PEG3: variants seen among roughly 807,000 people sequenced by gnomAD.
PEG3 encodes paternally-expressed gene 3 protein.
Under a neutral mutation model 35.5 loss-of-function variants are expected in PEG3, and 23 were observed. The ratio of observed to expected loss-of-function variants is 0.65; its 90% CI spans 0.47 to 0.92. The LOEUF is 0.92. Ranked by LOEUF, PEG3 falls within the 40% of genes least tolerant of loss-of-function variation. PEG3 has a pLI of 0.00. For missense variants in PEG3, 1,960 were observed against 1,985.3 expected, an observed-to-expected ratio of 0.99 and a Z score of 0.24; for synonymous variants, 707 against 697.0, an observed-to-expected ratio of 1.01 and a Z score of -0.23.
chr19:56,821,633 G>C lies in PEG3; in HGVS notation c.669+18C>G, dbSNP rs773694123. 1 of 1,612,194 alleles carries C rather than the reference G, an allele frequency of 6.2e-7. No individual in the cohort carries two copies. Among genetic ancestry groups the C allele is most frequent in the Non-Finnish European group, 8.5e-7 (1 of 1,179,256 alleles). On this transcript the variant is annotated intron_variant, in intron 7 of 9. Coordinates refer to ENST00000326441, the MANE Select transcript of PEG3 (RefSeq NM_006210.3). ...AATGAAGATGGCCTTTCTAGAAAGAGAGGAAACCTGAGCATACCTGAGATC... is the reference window on the plus strand; with the variant it reads ...AATGAAGATGGCCTTTCTAGAAAGACAGGAAACCTGAGCATACCTGAGATC...
intron 2 of PEG3, among the ~76,000 whole-genome samples, chr19:56,830,083 T>C (rs531661344): frequency 4.9e-4 from 74 of 152,338 alleles, no homozygotes; most frequent in African/African-American, 1.7e-3. Flanking sequence ...ATCAGAGCTG[T>C]GCTTGAAGAT....
At position 56,813,782 on chromosome 19, in the gene PEG3, C is replaced by T; in HGVS notation, c.4660G>A (p.Gly1554Ser). The change falls in exon 10 of 10, where the codon GGT becomes AGT. Residue 1554 changes from glycine (G) to serine (S), a missense_variant. Gly to Ser is a moderately conservative substitution (Grantham distance 56). Around this residue, in one of 5 missense-constraint regions of PEG3, gnomAD observed 416 missense variants for 416.7 expected, o/e 1.00. Transcript: ENST00000326441. ...TTCTCATCAGCTTGATTGGCACCAC[C>T]TGTGCTGGTGCTGGCACGTTCGATG... Reference protein sequence around the residue: ...GYIERASTSTGGANQADEKYF... With the variant: ...GYIERASTSTSGANQADEKYF... 1.2e-6 allele frequency: 2 copies of T among 1,614,182 alleles called. No homozygotes were observed. Among genetic ancestry groups the T allele is most frequent in the Non-Finnish European group, 1.7e-6 (2 of 1,180,034 alleles).
chr19:56,815,807 C>T lies in PEG3; in HGVS notation c.2635G>A (p.Glu879Lys), dbSNP rs780426924. Residue 879 changes from glutamate to lysine, a missense_variant, in exon 10 of 10, where the codon GAG becomes AAG. By Grantham distance (56) the Glu-to-Lys change is moderately conservative (BLOSUM62 1). Transcript: ENST00000326441. ...TTACTGCCCCCTTCACAAGGGTTCT[C>T]TCTGGCAGGAATCTTCTGTCGCTTA... ...NDKRQKIPAR[E>K]NPCEGGSKNR... 8 of 1,613,462 alleles carry T rather than the reference C, an allele frequency of 5.0e-6. No individual in the cohort carries two copies. In the African/African-American group the frequency reaches 1.1e-4, roughly 22 times the overall value.
Position 56,812,620 on chromosome 19 carries a change from A to C in PEG3, c.*1055T>G. On this transcript the variant is annotated 3_prime_UTR_variant, in exon 10 of 10. Transcript: ENST00000326441. ...TGTCACTTAAGGCAGGAAGCGCACA[A>C]AGGAAGTGATGAAAGGTTATTAGCC... The C allele has an allele frequency of 1.0e-6, 1 of 985,720 alleles. No individual in the cohort carries two copies. The highest frequency in any genetic ancestry group is 1.2e-6 in the Non-Finnish European group (1 of 829,820). The allele number at this position is 985,720 out of a possible 1,614,324, so 61.1% of individuals were successfully genotyped here.
Position 56,817,456 on chromosome 19 carries a change from C to T in PEG3, c.986G>A (p.Gly329Glu). 5.6e-6 allele frequency: 9 copies of T among 1,613,968 alleles called. No individual in the cohort carries two copies. Among genetic ancestry groups the T allele is most frequent in the Non-Finnish European group, 7.6e-6 (9 of 1,179,902 alleles). Residue 329 changes from glycine to glutamate, a missense_variant, in exon 10 of 10, where the codon GGA (glycine) becomes GAA (glutamate). Physicochemically the swap from Gly to Glu is moderately conservative, Grantham distance 98 (BLOSUM62 -2). Transcript: ENST00000326441. ...IKDVSRSSKS[G>E]RARESSDRSQ... The stretch of plus-strand genomic sequence containing the variant: ...CCGGTCGCTTGACTCCCTTGCTCTT[C>T]CCGATTTGGAACTGCGTGACACATC...
At position 56,812,244 on chromosome 19, in the gene PEG3, C is replaced by G; in HGVS notation, c.*1431G>C. The G allele has an allele frequency of 2.0e-6, 2 of 976,702 alleles. No homozygotes were observed. Among genetic ancestry groups the G allele is most frequent in the Non-Finnish European group, 2.4e-6 (2 of 822,368 alleles). The allele number at this position is 976,702 out of a possible 1,614,324, so 60.5% of individuals were successfully genotyped here. A position where few individuals can be genotyped will look rare whatever the true frequency, so the allele number is the denominator to read the frequency against. The stretch of plus-strand genomic sequence containing the variant: ...CACAGGTAGTCCACAGAATAGGACA[C>G]AAGAAACCTCAAGCTGTGAGGTCAA... On this transcript the variant is annotated 3_prime_UTR_variant, in exon 10 of 10. Coordinates refer to ENST00000326441, the MANE Select transcript of PEG3 (RefSeq NM_006210.3).
intron 6 of PEG3, 61 bp downstream of exon 6, chr19:56,822,692 G>C: frequency 6.3e-7 from 1 of 1,593,026 alleles, no homozygotes. Flanking sequence ...CTTTCCCCTT[G>C]AACCTGTGCA....
chr19:56,836,154 G>A, intron 1 of PEG3, 50 bp from the exon 2 acceptor site: 1 of 442,776 alleles, frequency 2.3e-6, no homozygotes. Flanking sequence ...TGCAGTTACT[G>A]GGTTCCTCAG....
rs1600867960 is a variant in PEG3, at chr19:56,813,199, T to C, written c.*476A>G. ...ATCAAATTTGTTGCTCTCTTCCTCCTCCAAAAAAAAAAAAAATTCAAAGAA... is the reference window on the plus strand; with the variant it reads ...ATCAAATTTGTTGCTCTCTTCCTCCCCCAAAAAAAAAAAAAATTCAAAGAA... On this transcript the variant is annotated 3_prime_UTR_variant, in exon 10 of 10. Coordinates refer to ENST00000326441, the MANE Select transcript of PEG3 (RefSeq NM_006210.3). The C allele has an allele frequency of 1.1e-6, 1 of 919,696 alleles. No homozygotes were observed. Among genetic ancestry groups the C allele is most frequent in the Non-Finnish European group, 1.3e-6 (1 of 799,840 alleles). 57.0% of individuals were successfully genotyped at this position (919,696 alleles called of 1,614,324 possible).
At chr19:56,836,219 A>T in intron 1 of PEG3, 115 bp from the exon 2 acceptor site, 1 of 368,306 alleles carries the variant, frequency 2.7e-6, no homozygotes, top group Non-Finnish European at 5.5e-6. Flanking sequence ...GCACAGGTCA[A>T]ATGAGACCAT....
At chr19:56,838,590 G>A (rs1327156113) in intron 1 of PEG3, among the ~76,000 whole-genome samples, 2 of 152,214 alleles carry the variant, frequency 1.3e-5, no homozygotes, top group Admixed American at 6.5e-5. Flanking sequence ...CAACAACAGG[G>A]GAAGGGGTGA....
chr19:56,837,456 C>T (rs1454138331), intron 1 of PEG3, among the ~76,000 whole-genome samples: 1 of 152,232 alleles, frequency 6.6e-6, no homozygotes, highest in Non-Finnish European at 1.5e-5. Context: ...AAAATCCCAC[C>T]TTTCCCCAAA....
intron 1 of PEG3, among the ~76,000 whole-genome samples, chr19:56,837,837 G>T (rs1029920540): frequency 1.3e-5 from 2 of 151,728 alleles, no homozygotes; most frequent in African/African-American, 4.8e-5. Context: ...CCCCGCCACC[G>T]GCCAACACAC....
At chr19:56,818,007 A>AATCCATTCTAATCTAC (rs1386661412) in intron 8 of PEG3, among the ~76,000 whole-genome samples, 172 bp from the exon 9 acceptor site, 10 of 152,134 alleles carry the variant, frequency 6.6e-5, no homozygotes, top group Non-Finnish European at 4.4e-5. Flanking sequence ...TCTATTCCCT[A>AATCCATTCTAATCTAC]ATCCATTCTA....
intron 2 of PEG3, among the ~76,000 whole-genome samples, chr19:56,834,376 T>G (rs911671879): frequency 1.3e-5 from 2 of 152,160 alleles, no homozygotes; most frequent in Non-Finnish European, 2.9e-5. Flanking sequence ...ACCAGCGCTA[T>G]TAAAGCTCAC....
At position 56,815,267 on chromosome 19, in the gene PEG3, G is replaced by C. The variant is rs753117828; in HGVS notation, c.3175C>G (p.His1059Asp). The C allele has an allele frequency of 1.2e-6, 2 of 1,614,112 alleles. No homozygotes were observed. Among genetic ancestry groups the C allele is most frequent in the Non-Finnish European group, 1.7e-6 (2 of 1,180,050 alleles). Reference protein sequence around the residue: ...NQKIYDQEKSHGEESQGENTD... With the variant: ...NQKIYDQEKSDGEESQGENTD... ...TTCTCGCCTTGAGACTCCTCGCCATGAGACTTCTCTTGGTCATAGATTTTC... is the reference window on the plus strand; with the variant it reads ...TTCTCGCCTTGAGACTCCTCGCCATCAGACTTCTCTTGGTCATAGATTTTC... The change falls in exon 10 of 10, where the codon CAT becomes GAT. Residue 1059 changes from histidine to aspartate, a missense_variant. Around this residue, in one of 5 missense-constraint regions of PEG3, gnomAD observed 798 missense variants for 782.4 expected, o/e 1.02. Coordinates refer to ENST00000326441, the MANE Select transcript of PEG3 (RefSeq NM_006210.3).
In PEG3 at chr19:56,810,214, A is replaced by G; in HGVS notation, c.*3461T>C. On this transcript the variant is annotated 3_prime_UTR_variant, in exon 10 of 10. Transcript: ENST00000326441. ...TCAAGATGTTAACCACACTCTTTGG[A>G]TGGTGAAAACATGGGTGAGTTTCTC... 6 of 982,770 alleles carry G rather than the reference A, an allele frequency of 6.1e-6. No individual in the cohort carries two copies. Among genetic ancestry groups the G allele is most frequent in the Non-Finnish European group, 7.3e-6 (6 of 827,524 alleles). 60.9% of individuals were successfully genotyped at this position (982,770 alleles called of 1,614,324 possible).
rs1187883374 is a variant in PEG3, at chr19:56,813,958, T to A, written c.4484A>T (p.Asp1495Val). 1.9e-6 allele frequency: 3 copies of A among 1,614,120 alleles called. No individual in the cohort carries two copies. Among genetic ancestry groups the A allele is most frequent in the Non-Finnish European group, 2.5e-6 (3 of 1,179,990 alleles). Reference protein sequence around the residue: ...VGIEDPEEGEDQEIQVEEPYY... With the variant: ...VGIEDPEEGEVQEIQVEEPYY... ...TGGTTCTTCTACCTGAATCTCTTGA[T>A]CTTCACCTTCTTCTGGGTCTTCAAT... The change falls in exon 10 of 10, where the codon GAT (aspartate) becomes GTT (valine). Residue 1495 changes from aspartate (D) to valine (V), a missense_variant. Coordinates refer to ENST00000326441, the MANE Select transcript of PEG3 (RefSeq NM_006210.3).
chr19:56,829,759 C>T (rs947125722), intron 2 of PEG3, among the ~76,000 whole-genome samples: 3 of 152,232 alleles, frequency 2.0e-5, no homozygotes, highest in Non-Finnish European at 4.4e-5. Flanking sequence ...CTGAAATTTG[C>T]ACCTGCCAGG....
Sources: gnomAD v4.1 joint callset for allele counts (sites outside exome capture counted in the v4.1 genomes callset) on GRCh38, gnomAD v4.1.1 for gene constraint, gnomAD v4.1.1 regional missense constraint, MANE v1.5 for transcripts, NCBI Gene and HGNC (gene_info 2026-07-23, HGNC 2026-07-21) for gene names.